Variants in ANKS1B observed in about 807,000 individuals in gnomAD.
ANKS1B encodes the protein ankyrin repeat and sterile alpha motif domain-containing protein 1B.
In ANKS1B, 36 loss-of-function variants were observed where a neutral mutation model predicts 148.3. That is an observed-to-expected ratio of 0.24 (90% CI 0.19 to 0.32). The LOEUF (loss-of-function observed/expected upper bound fraction) is 0.32, where lower values mean the gene tolerates loss of function less well. ANKS1B is among the 10% of genes least tolerant of loss of function. The probability of loss-of-function intolerance (pLI) is 1.00; values close to 1 mark genes in which losing one functional copy is unlikely to be tolerated. For synonymous variants in ANKS1B, 542 were observed against 560.8 expected (o/e 0.97, Z 0.47); for missense variants, 1,157 against 1,542.6 (o/e 0.75, Z 4.19).
chr12:99,035,073 C>T (rs1360060654), intron 17 of ANKS1B, among the ~76,000 whole-genome samples: 1 of 152,040 alleles, frequency 6.6e-6, no homozygotes, highest in African/African-American at 2.4e-5. Flanking sequence ...TCAGAAGCAG[C>T]CTCAGAAGCA....
chr12:99,012,455 T>C (rs2099940026), intron 17 of ANKS1B, among the ~76,000 whole-genome samples: 1 of 152,218 alleles, frequency 6.6e-6, no homozygotes, highest in African/African-American at 2.4e-5. Flanking sequence ...CAATTAGACA[T>C]TTATTTTACT....
downstream of ANKS1B, among the ~76,000 whole-genome samples, chr12:98,743,503 T>G (rs1370370055): frequency 6.6e-6 from 1 of 152,126 alleles, no homozygotes; most frequent in Non-Finnish European, 1.5e-5. Context: ...GAAAATCAGC[T>G]GCAAATCTCT....
intron 8 of ANKS1B, among the ~76,000 whole-genome samples, chr12:99,692,681 A>T (rs1357441884): frequency 1.3e-5 from 2 of 151,760 alleles, no homozygotes; most frequent in African/African-American, 4.8e-5. Flanking sequence ...AAAAAAAAAA[A>T]AAAGGAAAAG....
At chr12:99,849,759 G>A (rs2087390785) in intron 1 of ANKS1B, among the ~76,000 whole-genome samples, 1 of 152,086 alleles carries the variant, frequency 6.6e-6, no homozygotes, top group African/African-American at 2.4e-5. Context: ...CATACTGAAT[G>A]ATTCCATCTG....
intron 9 of ANKS1B, among the ~76,000 whole-genome samples, chr12:99,583,386 T>C (rs61144187): frequency 0.014 from 2,151 of 152,298 alleles, 46 homozygotes; most frequent in African/African-American, 0.049. Flanking sequence ...ATTACAATAA[T>C]TAATTGTAAA....
intron 11 of ANKS1B, among the ~76,000 whole-genome samples, chr12:99,411,528 T>A (rs2094707664): frequency 6.6e-6 from 1 of 152,162 alleles, no homozygotes; most frequent in Admixed American, 6.5e-5. Context: ...GTGCAGGTGT[T>A]TTTTGGTAGA....
intron 12 of ANKS1B, among the ~76,000 whole-genome samples, chr12:99,275,256 A>C (rs2077530797): frequency 1.3e-5 from 2 of 152,180 alleles, no homozygotes; most frequent in Non-Finnish European, 2.9e-5. Flanking sequence ...AATGTTGACT[A>C]TCGTCACCCT....
At chr12:99,773,317 A>T (rs1392565411) in intron 7 of ANKS1B, among the ~76,000 whole-genome samples, 1 of 152,172 alleles carries the variant, frequency 6.6e-6, no homozygotes, top group Non-Finnish European at 1.5e-5. Flanking sequence ...AAATAGAAAT[A>T]ATTATTGTAA....
At chr12:99,790,084 G>T (rs1457992755) in intron 4 of ANKS1B, among the ~76,000 whole-genome samples, 1 of 152,012 alleles carries the variant, frequency 6.6e-6, no homozygotes, top group Non-Finnish European at 1.5e-5. Context: ...ACTCCCAAAG[G>T]TCAAAGATAA....
intron 17 of ANKS1B, among the ~76,000 whole-genome samples, chr12:98,974,685 A>AGAT (rs2153221239): frequency 6.6e-6 from 1 of 152,286 alleles, no homozygotes; most frequent in East Asian, 1.9e-4. Context: ...GGGCTGCATG[A>AGAT]GATGAGTCCA....
At chr12:99,371,366 G>A (rs756507924) in intron 12 of ANKS1B, among the ~76,000 whole-genome samples, 4 of 152,122 alleles carry the variant, frequency 2.6e-5, no homozygotes, top group Non-Finnish European at 4.4e-5. Flanking sequence ...AGGAAGGAGA[G>A]TAGGATGAAG....
At chr12:99,116,482 A>T (rs945343920) in intron 15 of ANKS1B, among the ~76,000 whole-genome samples, 1 of 152,210 alleles carries the variant, frequency 6.6e-6, no homozygotes, top group Non-Finnish European at 1.5e-5. Context: ...AGTGCTTGGC[A>T]TGGAGTAACT....
intron 10 of ANKS1B, among the ~76,000 whole-genome samples, chr12:99,491,334 T>A (rs1410408411): frequency 6.6e-6 from 1 of 152,088 alleles, no homozygotes; most frequent in Admixed American, 6.5e-5. Flanking sequence ...ATTGTTAGTA[T>A]GTGCTGAAAT....
At chr12:99,231,869 G>T (rs946620372) in intron 14 of ANKS1B, among the ~76,000 whole-genome samples, 1 of 152,088 alleles carries the variant, frequency 6.6e-6, no homozygotes, top group Admixed American at 6.6e-5. Flanking sequence ...TCTTTTAGGA[G>T]AAAGGGACAT....
intron 1 of ANKS1B, among the ~76,000 whole-genome samples, chr12:99,903,792 A>T (rs1008007709): frequency 5.9e-5 from 9 of 152,220 alleles, no homozygotes; most frequent in Admixed American, 5.2e-4. Context: ...TGCAGTGTAT[A>T]CTGCTCGGGC....
chr12:99,324,312 T>A (rs1221312719), intron 12 of ANKS1B, among the ~76,000 whole-genome samples: 1 of 152,144 alleles, frequency 6.6e-6, no homozygotes, highest in African/African-American at 2.4e-5. Flanking sequence ...GGTGGGAAAT[T>A]GTGGCACAGA....
At chr12:99,518,500 T>A (rs748191302) in intron 9 of ANKS1B, among the ~76,000 whole-genome samples, 7 of 152,106 alleles carry the variant, frequency 4.6e-5, no homozygotes, top group African/African-American at 1.7e-4. Flanking sequence ...TATCGGCCTA[T>A]AGTTACTCAT....
At chr12:98,972,474 A>T (rs1482245196) in intron 17 of ANKS1B, among the ~76,000 whole-genome samples, 2 of 152,186 alleles carry the variant, frequency 1.3e-5, no homozygotes, top group African/African-American at 2.4e-5. Context: ...ACTGTATCAT[A>T]ATCTCCATTT....
chr12:99,152,758 A>G (rs1042764466), intron 15 of ANKS1B, among the ~76,000 whole-genome samples: 2 of 152,170 alleles, frequency 1.3e-5, no homozygotes, highest in African/African-American at 4.8e-5. Context: ...CCTTATTTCA[A>G]GTAGACATAG....
Sources: gnomAD v4.1 joint callset for allele counts (sites outside exome capture counted in the v4.1 genomes callset) on GRCh38, gnomAD v4.1.1 for gene constraint, MANE v1.5 for transcripts, NCBI Gene and HGNC (gene_info 2026-07-23, HGNC 2026-07-21) for gene names.